Variants in DLGAP4 observed in about 807,000 individuals in gnomAD.
DLGAP4 encodes disks large-associated protein 4.
DLGAP4 carries 18 observed loss-of-function variants against 86.9 expected under a neutral mutation model. The observed-to-expected ratio is 0.21, with a 90% CI of 0.14 to 0.31. DLGAP4 has a LOEUF of 0.31. Ranked by LOEUF, DLGAP4 falls within the 10% of genes least tolerant of loss-of-function variation. DLGAP4 has a pLI of 1.00. For missense variants in DLGAP4, 1,085 were observed against 1,362.6 expected, an observed-to-expected ratio of 0.80 and a Z score of 3.21; for synonymous variants, 548 against 574.3, an observed-to-expected ratio of 0.95 and a Z score of 0.65.
chr20:36,369,490 G>A (rs2030837219), intron 2 of DLGAP4, among the ~76,000 whole-genome samples: 1 of 152,180 alleles, frequency 6.6e-6, no homozygotes, highest in Non-Finnish European at 1.5e-5. Context: ...CTACTTGGGA[G>A]GCTGAGACAG....
chr20:36,523,275 A>G (rs2037490983), intron 10 of DLGAP4, among the ~76,000 whole-genome samples: 2 of 152,154 alleles, frequency 1.3e-5, no homozygotes, highest in Non-Finnish European at 2.9e-5. Context: ...GATTACAGGC[A>G]TGAGCCACTA....
chr20:36,495,941 C>T (rs911302382), intron 7 of DLGAP4, among the ~76,000 whole-genome samples: 1 of 152,086 alleles, frequency 6.6e-6, no homozygotes, highest in African/African-American at 2.4e-5. Flanking sequence ...GGTGCAACCT[C>T]GGCTCACTGC....
At chr20:36,366,920 T>C (rs2030707920) in intron 1 of DLGAP4, 125 bp from the exon 2 acceptor site, 1 of 152,158 alleles carries the variant, frequency 6.6e-6, no homozygotes, top group Non-Finnish European at 1.5e-5. Flanking sequence ...TGCAAACACT[T>C]GGGTTTCTAT....
In DLGAP4 at chr20:36,517,570, T is replaced by C. The variant is rs1477417844; in HGVS notation, c.2513-6680T>C. On this transcript the variant is annotated intron_variant, in intron 10 of 12. Transcript: ENST00000339266. ...GTGTGAGCCACCGTGCCCGGCCTAG[T>C]AGTTTCTTAATGTTTTGAAAATGAG... is the stretch of plus-strand genomic sequence containing the variant. 3.3e-5 allele frequency among the ~76,000 whole-genome samples: 5 copies of C among 152,064 alleles called. No homozygotes were observed. In the East Asian group the frequency reaches 9.7e-4, roughly 29 times the overall value.
chr20:36,413,132 A>G (rs746379877), intron 2 of DLGAP4, among the ~76,000 whole-genome samples: 2 of 150,898 alleles, frequency 1.3e-5, no homozygotes, highest in Non-Finnish European at 3.0e-5. Flanking sequence ...GGCGTGTGCC[A>G]CCACACCTGG....
chr20:36,400,258 C>G (rs2032118176), intron 2 of DLGAP4, among the ~76,000 whole-genome samples: 1 of 152,236 alleles, frequency 6.6e-6, no homozygotes, highest in Admixed American at 6.5e-5. Context: ...TTGGAAGGAT[C>G]ATCCCCTCTA....
intron 1 of DLGAP4, among the ~76,000 whole-genome samples, chr20:36,332,347 T>C (rs1360139390): frequency 6.6e-6 from 1 of 152,142 alleles, no homozygotes; most frequent in Non-Finnish European, 1.5e-5. Flanking sequence ...AGACTTTCCC[T>C]GTCCCGCCCG....
intron 4 of DLGAP4, among the ~76,000 whole-genome samples, chr20:36,436,826 A>AG (rs1246377619): frequency 2.6e-5 from 4 of 150,998 alleles, no homozygotes; most frequent in African/African-American, 9.7e-5. Flanking sequence ...AAAAAAAAAA[A>AG]AAAGAAAGAA....
chr20:36,317,301 CTTT>C (rs1285532661), intron 1 of DLGAP4, among the ~76,000 whole-genome samples: 2,837 of 9,838 alleles, frequency 0.29, 207 homozygotes, highest in African/African-American at 0.49. Flanking sequence ...TCTTATCTTT[CTTT>C]CTTCCTTCCT....
Position 36,477,375 on chromosome 20 carries a change from A to T in DLGAP4, c.1649-19330A>T, listed in dbSNP as rs370147887. 2.6e-5 allele frequency among the ~76,000 whole-genome samples: 4 copies of T among 152,216 alleles called. No individual in the cohort carries two copies. The East Asian group carries it at 7.7e-4, about 29-fold the overall frequency. On this transcript the variant is annotated intron_variant, in intron 7 of 12. Coordinates refer to ENST00000339266, the MANE Select transcript of DLGAP4 (RefSeq NM_001365621.2). ...CTCCCAAAGTGCTGGGATTACAGGC[A>T]TGAGCCACCATGCCCAGGCAATTCT...
intron 1 of DLGAP4, among the ~76,000 whole-genome samples, chr20:36,312,782 A>C (rs2065064375): frequency 6.6e-6 from 1 of 152,060 alleles, no homozygotes; most frequent in Admixed American, 6.5e-5. Flanking sequence ...CTCTGGGTTC[A>C]GGTGTTTTTC....
intron 1 of DLGAP4, among the ~76,000 whole-genome samples, chr20:36,356,784 T>C (rs1555893875): frequency 3.9e-5 from 6 of 152,158 alleles, no homozygotes; most frequent in African/African-American, 1.4e-4. Context: ...ATCAGCCTTT[T>C]AAGAAAAAGT....
Position 36,306,750 on chromosome 20 carries a change from C to T in DLGAP4, c.-304+238C>T, listed in dbSNP as rs1458709572. ...CCGGTTGGGATCGCCCCATCCATGT[C>T]TCCCCGGACCCTCAAATCGGGGGCG... On this transcript the variant is annotated intron_variant, in intron 1 of 12. Transcript: ENST00000339266. This position sits in a 1 kb window ranked among gnomAD's most constrained non-coding sequence, Gnocchi z 4.9. Among the ~76,000 whole-genome samples, 3 of 152,150 alleles carry T rather than the reference C, an allele frequency of 2.0e-5. No individual in the cohort carries two copies. The East Asian group carries it at 5.8e-4, about 29-fold the overall frequency.
intron 10 of DLGAP4, chr20:36,508,419 G>GTTTTTTTTTTTTTTTT (rs1569523131): frequency 2.0e-4 from 27 of 134,592 alleles, no homozygotes; most frequent in African/African-American, 8.0e-4. Context: ...ATGTTTCAGG[G>GTTTTTTTTTTTTTTTT]TTCTTTTTTT....
chr20:36,349,623 G>A (rs1318531094), intron 1 of DLGAP4, among the ~76,000 whole-genome samples: 11 of 152,056 alleles, frequency 7.2e-5, no homozygotes, highest in South Asian at 4.2e-4. Context: ...GAAGGAGGCC[G>A]GAGCTGCTGC....
chr20:36,390,864 AC>A (rs1569482850), intron 2 of DLGAP4, among the ~76,000 whole-genome samples: 2 of 151,784 alleles, frequency 1.3e-5, no homozygotes, highest in African/African-American at 2.4e-5. Context: ...CTAAACCCTG[AC>A]CCTGGTCCCA....
At chr20:36,492,364 CAG>C (rs2035701555) in intron 7 of DLGAP4, 1 of 152,266 alleles carries the variant, frequency 6.6e-6, no homozygotes, top group Admixed American at 6.6e-5. Context: ...CCTCAGGAGA[CAG>C]AGGATCCAAG....
intron 10 of DLGAP4, among the ~76,000 whole-genome samples, chr20:36,504,831 T>G (rs2036290877): frequency 6.6e-6 from 1 of 152,234 alleles, no homozygotes; most frequent in South Asian, 2.1e-4. Context: ...CTTCGCCCAT[T>G]TTTTAATTGG....
At chr20:36,482,494 C>T (rs922862354) in intron 7 of DLGAP4, among the ~76,000 whole-genome samples, 1 of 152,088 alleles carries the variant, frequency 6.6e-6, no homozygotes, top group African/African-American at 2.4e-5. Context: ...CAGCAAAGCT[C>T]GTATGATACA....
Sources: gnomAD v4.1 joint callset for allele counts (sites outside exome capture counted in the v4.1 genomes callset) on GRCh38, gnomAD v4.1.1 for gene constraint, Gnocchi (gnomAD v3.1) non-coding constraint, MANE v1.5 for transcripts, NCBI Gene and HGNC (gene_info 2026-07-23, HGNC 2026-07-21) for gene names.